The following CHD2 variants were observed in gnomAD, a reference collection of about 807,000 sequenced individuals.
CHD2 encodes the protein ATP-dependent chromatin remodeler CHD2.
In CHD2, 28 loss-of-function variants were observed where a neutral mutation model predicts 243.9. That is an observed-to-expected ratio of 0.11 (90% CI 0.09 to 0.16). The LOEUF is 0.16. Among genes scored for constraint, CHD2 ranks in the 10% least tolerant of loss-of-function variants. The pLI, the probability that CHD2 is intolerant of heterozygous loss-of-function variation, is 1.00. For missense variants in CHD2, 1,386 were observed against 2,209.8 expected (o/e 0.63, Z 7.47); for synonymous variants, 775 against 779.0 (o/e 0.99, Z 0.09).
intron 7 of CHD2, among the ~76,000 whole-genome samples, chr15:92,941,089 C>A (rs979881840): frequency 4.7e-5 from 7 of 149,574 alleles, no homozygotes; most frequent in South Asian, 2.1e-4. Flanking sequence ...GCAACCTCTG[C>A]CTCCCGGATT....
chr15:92,907,826 TC>T (rs2141710014), intron 2 of CHD2, among the ~76,000 whole-genome samples: 1 of 152,214 alleles, frequency 6.6e-6, no homozygotes, highest in Admixed American at 6.5e-5. Context: ...CACCCCTCCT[TC>T]ATATCCTAAG....
At chr15:92,993,329 G>A (rs2054144931) in intron 28 of CHD2, 2 of 232,008 alleles carry the variant, frequency 8.6e-6, no homozygotes, top group Non-Finnish European at 1.7e-5. Context: ...GCAAATAAGA[G>A]GTGTTATAGA....
At chr15:92,970,114 G>T (rs1378213589) in intron 17 of CHD2, among the ~76,000 whole-genome samples, 1 of 152,056 alleles carries the variant, frequency 6.6e-6, no homozygotes, top group African/African-American at 2.4e-5. Flanking sequence ...GATTTCCAAA[G>T]GCAAAGCTAC....
chr15:92,958,811 A>T (rs999861704), intron 16 of CHD2, among the ~76,000 whole-genome samples: 1 of 150,768 alleles, frequency 6.6e-6, no homozygotes, highest in African/African-American at 2.5e-5. Flanking sequence ...TCAACTCTTT[A>T]TTATAAAGTT....
intron 2 of CHD2, among the ~76,000 whole-genome samples, chr15:92,915,731 G>A (rs1443059390): frequency 6.6e-6 from 1 of 152,134 alleles, no homozygotes; most frequent in Non-Finnish European, 1.5e-5. Context: ...TATTGTGAAA[G>A]GAAAATAAAT....
At chr15:92,980,222 CTTTT>C (rs55979414) in intron 22 of CHD2, among the ~76,000 whole-genome samples, 10 of 124,924 alleles carry the variant, frequency 8.0e-5, no homozygotes, top group East Asian at 2.2e-4. Context: ...TTTTTTTTTT[CTTTT>C]TTTTTTTTTT....
chr15:92,901,686 T>G (rs917415360), intron 2 of CHD2: 2 of 351,474 alleles, frequency 5.7e-6, no homozygotes, highest in East Asian at 8.8e-5. Flanking sequence ...AATTTTTTCT[T>G]TGAAGAATCC....
In CHD2 at chr15:93,009,240, G is replaced by A; in HGVS notation, c.4509G>A (p.Arg1503=). Reference sequence around the variant, plus strand: ...TGCAAGAACAGCTGGAACACACCCGGAACTGCCTGCTGAAAATCGGAGACC... The same window carrying A: ...TGCAAGAACAGCTGGAACACACCCGAAACTGCCTGCTGAAAATCGGAGACC... The part of the protein sequence containing the change: ...LNVQEQLEHT[R]NCLLKIGDRI... Residue 1503 remains arginine, a synonymous_variant, in exon 35 of 39, where the codon CGG becomes CGA. Transcript: ENST00000394196. 1.9e-6 allele frequency: 3 copies of A among 1,614,186 alleles called. No homozygotes were observed. The South Asian group carries it at 3.3e-5, about 18-fold the overall frequency.
intron 24 of CHD2, among the ~76,000 whole-genome samples, chr15:92,983,554 G>A (rs755598856): frequency 7.2e-5 from 11 of 152,104 alleles, no homozygotes; most frequent in Non-Finnish European, 1.2e-4. Context: ...AGAAGAATGC[G>A]GAGCCAGGCT....
At position 93,024,813 on chromosome 15, in the gene CHD2, C is replaced by G. The variant is rs2054572962; in HGVS notation, c.*108C>G. 4.3e-6 allele frequency: 4 copies of G among 923,472 alleles called. No homozygotes were observed. In the South Asian group the frequency reaches 7.0e-5, roughly 16 times the overall value. The allele number at this position is 923,472 out of a possible 1,614,324, so 57.2% of individuals were successfully genotyped here. A position where few individuals can be genotyped will look rare whatever the true frequency, so the allele number is the denominator to read the frequency against. On this transcript the variant is annotated 3_prime_UTR_variant, in exon 39 of 39. Transcript: ENST00000394196. The stretch of plus-strand genomic sequence containing the variant: ...ACCAGTAAGTGGAGTTTTGGACATG[C>G]TGCTGCTGTCAACTCACTGGCTGAA...
chr15:92,945,892 G>A, intron 11 of CHD2, 27 bp downstream of exon 11: 3 of 1,550,028 alleles, frequency 1.9e-6, no homozygotes, highest in Non-Finnish European at 2.6e-6. Context: ...ATTTATAAAT[G>A]TTCTTCAACA....
chr15:92,924,686 G>A (rs1393044267), intron 3 of CHD2, 134 bp downstream of exon 3: 5 of 679,242 alleles, frequency 7.4e-6, no homozygotes, highest in Admixed American at 2.5e-5. Context: ...ATATACAGTA[G>A]TATATCTGAG....
intron 34 of CHD2, among the ~76,000 whole-genome samples, chr15:93,007,939 C>T (rs778277891): frequency 2.6e-5 from 4 of 152,296 alleles, no homozygotes; most frequent in South Asian, 2.1e-4. Context: ...CACTTTGCTT[C>T]GGTGGCTTTG....
chr15:93,004,211 T>C (rs1043010555), intron 33 of CHD2, among the ~76,000 whole-genome samples: 8 of 152,158 alleles, frequency 5.3e-5, no homozygotes, highest in African/African-American at 1.9e-4. Flanking sequence ...TGTATAGAGT[T>C]CATTTACAAT....
intron 38 of CHD2, among the ~76,000 whole-genome samples, chr15:93,022,407 C>T (rs1362037913): frequency 1.3e-5 from 2 of 152,196 alleles, no homozygotes; most frequent in African/African-American, 2.4e-5. Context: ...TCTGCCCAAA[C>T]ACCTCCCACT....
intron 7 of CHD2, among the ~76,000 whole-genome samples, chr15:92,941,144 G>A (rs1244117122): frequency 6.6e-6 from 1 of 150,894 alleles, no homozygotes; most frequent in Admixed American, 6.6e-5. Context: ...TGGGATTACA[G>A]GCGCCCACCA....
At chr15:92,974,797 A>G in intron 19 of CHD2, 82 bp from the exon 20 acceptor site, 23 of 1,286,832 alleles carry the variant, frequency 1.8e-5, no homozygotes, top group Non-Finnish European at 2.5e-5. Flanking sequence ...TGTTCAGGTG[A>G]TAAAGGTTCC....
At chr15:93,019,458 G>A (rs1425522319) in intron 37 of CHD2, among the ~76,000 whole-genome samples, 1 of 152,162 alleles carries the variant, frequency 6.6e-6, no homozygotes, top group Non-Finnish European at 1.5e-5. Flanking sequence ...TGGAAAGAAT[G>A]TTTAGGAGTC....
intron 28 of CHD2, among the ~76,000 whole-genome samples, chr15:92,996,152 G>T (rs1159155155): frequency 3.5e-5 from 5 of 141,828 alleles, no homozygotes; most frequent in African/African-American, 1.1e-4. Context: ...TTGGGTTAGG[G>T]TAAGTTTCTT....
Sources: allele counts gnomAD v4.1 joint callset (sites outside exome capture counted in the v4.1 genomes callset), GRCh38; gene constraint gnomAD v4.1.1; transcripts MANE v1.5; gene names NCBI Gene and HGNC (gene_info 2026-07-23, HGNC 2026-07-21).